The following EPHA6 variants were observed in gnomAD, a reference collection of about 807,000 sequenced individuals.
The protein encoded by EPHA6 is EPH receptor A6.
In EPHA6, 50 loss-of-function variants were observed where a neutral mutation model predicts 112.0. The observed-to-expected ratio is 0.45, with a 90% CI of 0.36 to 0.56. EPHA6 has a LOEUF of 0.56. Ranked by LOEUF, EPHA6 falls within the 20% of genes least tolerant of loss-of-function variation. The probability of loss-of-function intolerance (pLI) is 0.00; values close to 1 mark genes in which losing one functional copy is unlikely to be tolerated. For synonymous variants in EPHA6, 529 were observed against 490.7 expected (o/e 1.08, Z -1.03); for missense variants, 1,280 against 1,417.4 (o/e 0.90, Z 1.56).
At chr3:97,571,153 G>A (rs1337718441) in intron 11 of EPHA6, among the ~76,000 whole-genome samples, 1 of 152,122 alleles carries the variant, frequency 6.6e-6, no homozygotes, top group African/African-American at 2.4e-5. Flanking sequence ...TCACGGCAAG[G>A]AGTCAGCATT....
intron 13 of EPHA6, among the ~76,000 whole-genome samples, chr3:97,628,993 C>T (rs900705459): frequency 1.3e-5 from 2 of 151,904 alleles, no homozygotes; most frequent in African/African-American, 4.8e-5. Flanking sequence ...AGTGTAGTGG[C>T]GTGATTATAG....
chr3:97,381,927 CCATT>C (rs1401045088), intron 5 of EPHA6, among the ~76,000 whole-genome samples: 1 of 151,926 alleles, frequency 6.6e-6, no homozygotes, highest in East Asian at 1.9e-4. Flanking sequence ...TATTCTGTTC[CCATT>C]CAGTTATAGA....
At chr3:96,943,199 G>C (rs957278921) in intron 2 of EPHA6, among the ~76,000 whole-genome samples, 4 of 151,466 alleles carry the variant, frequency 2.6e-5, no homozygotes, top group Non-Finnish European at 4.4e-5. Flanking sequence ...ATTCTTTTTT[G>C]TATATATATA....
At chr3:97,002,929 A>C (rs2043722394) in intron 3 of EPHA6, among the ~76,000 whole-genome samples, 1 of 152,150 alleles carries the variant, frequency 6.6e-6, no homozygotes, top group Non-Finnish European at 1.5e-5. Flanking sequence ...TGTTACCAAG[A>C]AAAGAGTTTA....
At position 97,346,062 on chromosome 3, in the gene EPHA6, A is replaced by G. The variant is rs1257753528; in HGVS notation, c.1607-59088A>G. 2.6e-5 allele frequency among the ~76,000 whole-genome samples: 4 copies of G among 152,126 alleles called. No homozygotes were observed. In the South Asian group the frequency reaches 8.3e-4, roughly 31 times the overall value. On this transcript the variant is annotated intron_variant, in intron 5 of 17. Transcript: ENST00000389672. ...ATAAAAATCTATACTGCATTGGTGG[A>G]TAACCAGCAAGGTTTCTGATATTTT...
intron 5 of EPHA6, among the ~76,000 whole-genome samples, chr3:97,329,845 G>T (rs889015341): frequency 9.0e-4 from 137 of 151,898 alleles, no homozygotes; most frequent in African/African-American, 3.1e-3. Context: ...GTCAATTTTG[G>T]CTTTTGTTGC....
At chr3:97,141,739 A>T (rs554091726) in intron 3 of EPHA6, among the ~76,000 whole-genome samples, 2 of 152,170 alleles carry the variant, frequency 1.3e-5, no homozygotes, top group African/African-American at 4.8e-5. Context: ...CAGAGAACTG[A>T]AATTAACAAC....
intron 5 of EPHA6, among the ~76,000 whole-genome samples, chr3:97,261,219 G>T (rs551183349): frequency 1.3e-5 from 2 of 152,102 alleles, no homozygotes; most frequent in East Asian, 1.9e-4. Flanking sequence ...ATGAATCCAG[G>T]TATATGAAAA....
At chr3:96,981,678 G>C (rs543276405) in intron 2 of EPHA6, among the ~76,000 whole-genome samples, 2 of 151,588 alleles carry the variant, frequency 1.3e-5, no homozygotes, top group Admixed American at 1.3e-4. Flanking sequence ...GAATCCTTCT[G>C]GTCCTGGACT....
intron 3 of EPHA6, among the ~76,000 whole-genome samples, chr3:97,176,799 C>T (rs572709255): frequency 3.3e-5 from 5 of 151,184 alleles, no homozygotes; most frequent in South Asian, 4.2e-4. Flanking sequence ...TTAGTGTGGC[C>T]AAAGGTTTGT....
intron 5 of EPHA6, among the ~76,000 whole-genome samples, chr3:97,358,424 C>G (rs2084195032): frequency 6.6e-6 from 1 of 151,922 alleles, no homozygotes; most frequent in Non-Finnish European, 1.5e-5. Context: ...TGTATATTCC[C>G]AAAATTAAAG....
At chr3:97,132,871 G>C (rs2075669212) in intron 3 of EPHA6, among the ~76,000 whole-genome samples, 2 of 151,948 alleles carry the variant, frequency 1.3e-5, no homozygotes. Flanking sequence ...GGCTAAGCTT[G>C]CTACTAAATT....
chr3:97,400,761 A>G lies in EPHA6; in HGVS notation c.1607-4389A>G, dbSNP rs568465123. Among the ~76,000 whole-genome samples the G allele has an allele frequency of 2.0e-3, 307 of 151,570 alleles. 2 individuals are homozygous for G. The highest frequency in any genetic ancestry group is 6.8e-3 in the Middle Eastern group (2 of 294). On this transcript the variant is annotated intron_variant, in intron 5 of 17. Transcript: ENST00000389672. ...TGTTGTATAGAATTTTTGTACATTG[A>G]TTTTCTATCCTGCAGCTTTTCTGAA...
intron 14 of EPHA6, among the ~76,000 whole-genome samples, chr3:97,647,746 T>C (rs2094076428): frequency 6.6e-6 from 1 of 152,146 alleles, no homozygotes; most frequent in Non-Finnish European, 1.5e-5. Context: ...CACTGCCTTT[T>C]CTGAGTTTGA....
chr3:96,828,501 G>A (rs1297237130), intron 1 of EPHA6, among the ~76,000 whole-genome samples: 1 of 152,074 alleles, frequency 6.6e-6, no homozygotes, highest in African/African-American at 2.4e-5. Context: ...TTAAGGATAT[G>A]GAATCCACTT....
intron 3 of EPHA6, among the ~76,000 whole-genome samples, chr3:97,179,177 C>A (rs1421058073): frequency 6.6e-6 from 1 of 152,006 alleles, no homozygotes; most frequent in African/African-American, 2.4e-5. Context: ...ACACATTCTT[C>A]AGTATACCAA....
chr3:97,601,585 A>G (rs2093643679), intron 12 of EPHA6, among the ~76,000 whole-genome samples: 1 of 152,100 alleles, frequency 6.6e-6, no homozygotes, highest in Non-Finnish European at 1.5e-5. Flanking sequence ...GGCTTTTCAT[A>G]TTTATGTTCA....
At chr3:97,437,669 G>GTTGTTT (rs1192133522) in intron 6 of EPHA6, among the ~76,000 whole-genome samples, 1 of 151,500 alleles carries the variant, frequency 6.6e-6, no homozygotes, top group African/African-American at 2.4e-5. Flanking sequence ...TTTTTTGGTT[G>GTTGTTT]TTGTTTTTGT....
intron 4 of EPHA6, among the ~76,000 whole-genome samples, chr3:97,235,038 G>A (rs2078641571): frequency 6.6e-6 from 1 of 151,962 alleles, no homozygotes; most frequent in Non-Finnish European, 1.5e-5. Flanking sequence ...TCCTTCCTTA[G>A]GTTTTATTTT....
Sources: allele counts gnomAD v4.1 joint callset (sites outside exome capture counted in the v4.1 genomes callset), GRCh38; gene constraint gnomAD v4.1.1; transcripts MANE v1.5; gene names NCBI Gene and HGNC (gene_info 2026-07-23, HGNC 2026-07-21).